Variants in CEP131 observed in about 807,000 individuals in gnomAD.
CEP131 encodes centrosomal protein 131.
Under a neutral mutation model 136.8 loss-of-function variants are expected in CEP131, and 99 were observed. That is an observed-to-expected ratio of 0.72 (90% confidence interval 0.62 to 0.86). The LOEUF (loss-of-function observed/expected upper bound fraction) is 0.86. CEP131 is among the 40% of genes least tolerant of loss of function. CEP131 has a pLI of 0.00. For missense variants in CEP131, 1,459 were observed against 1,463.0 expected (o/e 1.00, Z 0.04); for synonymous variants, 646 against 612.7 (o/e 1.05, Z -0.80).
chr17:81,215,960 C>A lies in CEP131; in HGVS notation c.177+3920G>T, dbSNP rs1406708287. On this transcript the variant is annotated intron_variant, in intron 2 of 25. Coordinates refer to ENST00000450824, the MANE Select transcript of CEP131 (RefSeq NM_014984.4). The surrounding 1 kb of genome is among the most constrained non-coding windows in gnomAD (Gnocchi z 4.1). Reference sequence around the variant, plus strand: ...CGGGAGCAGGGTCAGGTGCAGCGGCCCACACCCGTAATCCCAGCACTTTGG... The same window carrying A: ...CGGGAGCAGGGTCAGGTGCAGCGGCACACACCCGTAATCCCAGCACTTTGG... Among the ~76,000 whole-genome samples the A allele has an allele frequency of 6.6e-6, 1 of 152,052 alleles. No homozygotes were observed. The highest frequency in any genetic ancestry group is 2.4e-5 in the African/African-American group (1 of 41,396).
chr17:81,192,127 C>T (rs562383381), intron 21 of CEP131, among the ~76,000 whole-genome samples, 191 bp downstream of exon 21: 1 of 152,206 alleles, frequency 6.6e-6, no homozygotes, highest in African/African-American at 2.4e-5. Flanking sequence ...CCAGAGCCCA[C>T]GCAAAAGATG....
Position 81,209,339 on chromosome 17 carries a change from G to A in CEP131, c.178-317C>T, listed in dbSNP as rs143061761. 8.8e-4 allele frequency among the ~76,000 whole-genome samples: 134 copies of A among 152,378 alleles called. 2 individuals are homozygous for A. The highest frequency in any genetic ancestry group is 3.7e-3 in the South Asian group (18 of 4,832). ...ACCCACCAGCTCCCAGGAACCGCGA[G>A]CTCCCACCTTCAGTGGATGAGAACC... is the stretch of plus-strand genomic sequence containing the variant. On this transcript the variant is annotated intron_variant, in intron 2 of 25. Coordinates refer to ENST00000450824, the MANE Select transcript of CEP131 (RefSeq NM_014984.4).
chr17:81,207,331 G>C (rs2062030100), intron 3 of CEP131, 92 bp from the exon 4 acceptor site: 1 of 1,069,444 alleles, frequency 9.4e-7, no homozygotes, highest in Admixed American at 2.2e-5. Context: ...CGCGAGGACA[G>C]AGGGGCTGAG....
chr17:81,191,337 T>C lies in CEP131; in HGVS notation c.2623-2A>G. The C allele has an allele frequency of 6.2e-7, 1 of 1,612,434 alleles. No homozygotes were observed. Among genetic ancestry groups the C allele is most frequent in the Non-Finnish European group, 8.5e-7 (1 of 1,179,598 alleles). The stretch of plus-strand genomic sequence containing the variant: ...TTCCCGGTTCAGCAGCCACGCCTCC[T>C]GGGGGGACATGCGCTGCCTGGGGGT... On this transcript the variant is annotated splice_acceptor_variant, in intron 21 of 25. Transcript: ENST00000450824. LOFTEE classifies it high-confidence loss of function.
At chr17:81,193,412 C>T (rs2061685927) in intron 18 of CEP131, among the ~76,000 whole-genome samples, 1 of 152,210 alleles carries the variant, frequency 6.6e-6, no homozygotes, top group Admixed American at 6.5e-5. Context: ...GTGGCGCAGA[C>T]AGTGCAGGAG....
At chr17:81,190,019 T>C (rs751295069) in intron 24 of CEP131, 44 bp from the exon 25 acceptor site, 10 of 1,554,168 alleles carry the variant, frequency 6.4e-6, no homozygotes, top group Non-Finnish European at 7.9e-6. Context: ...CCCCGCCCCA[T>C]GTCCCCAGAG....
rs2061721065 is a variant in CEP131 at position 81,194,909 on chromosome 17, T to C, written c.2080A>G (p.Ser694Gly). ...TEKARREKWISEKTKKIKEVT... is the reference protein window; with the variant it reads ...TEKARREKWIGEKTKKIKEVT... ...TCCTTGATCTTCTTGGTTTTCTCAC[T>C]GATCCACTTCTCCCGGCGGGCTTTC... The change falls in exon 17 of 26, where the codon AGT becomes GGT. Residue 694 changes from serine to glycine, a missense_variant. Physicochemically the swap from Ser to Gly is moderately conservative, Grantham distance 56 (BLOSUM62 0). Coordinates refer to ENST00000450824, the MANE Select transcript of CEP131 (RefSeq NM_014984.4). 3.7e-6 allele frequency: 6 copies of C among 1,613,370 alleles called. No homozygotes were observed. Among genetic ancestry groups the C allele is most frequent in the Non-Finnish European group, 5.1e-6 (6 of 1,179,970 alleles).
chr17:81,205,976 C>T (rs76907692), intron 5 of CEP131, among the ~76,000 whole-genome samples: 85 of 152,194 alleles, frequency 5.6e-4, no homozygotes, highest in Middle Eastern at 3.4e-3. Flanking sequence ...GAGGCCAAGG[C>T]GGGTGGATCA....
intron 16 of CEP131, among the ~76,000 whole-genome samples, chr17:81,195,447 C>T (rs981629055): frequency 6.6e-6 from 1 of 152,230 alleles, no homozygotes; most frequent in African/African-American, 2.4e-5. Flanking sequence ...GGAGCTCACA[C>T]AGCGGGAAGG....
chr17:81,200,701 G>C (rs569224186), intron 7 of CEP131, among the ~76,000 whole-genome samples: 6 of 152,310 alleles, frequency 3.9e-5, no homozygotes, highest in African/African-American at 9.6e-5. Flanking sequence ...ACCCACGCAG[G>C]CCTGTGTGGC....
rs115858117 is a variant in CEP131 at position 81,213,202 on chromosome 17, T to C, written c.178-4180A>G. Among the ~76,000 whole-genome samples the C allele has an allele frequency of 1.6e-3, 249 of 152,320 alleles. 1 individual carries two copies. The highest frequency in any genetic ancestry group is 5.7e-3 in the African/African-American group (238 of 41,566). The stretch of plus-strand genomic sequence containing the variant: ...GAGCAACAAAATAAGCAAACTAGCA[T>C]TGAATTATAACTTGAAGTGTAAAAT... On this transcript the variant is annotated intron_variant, in intron 2 of 25. Transcript: ENST00000450824.
intron 2 of CEP131, among the ~76,000 whole-genome samples, chr17:81,213,046 T>C (rs748173801): frequency 2.0e-5 from 3 of 151,626 alleles, no homozygotes; most frequent in Non-Finnish European, 2.9e-5. Flanking sequence ...GAGGAGGAAA[T>C]AGACAAGATG....
intron 12 of CEP131, 65 bp downstream of exon 12, chr17:81,198,050 C>A (rs933167415): frequency 3.3e-6 from 5 of 1,494,528 alleles, no homozygotes; most frequent in South Asian, 1.3e-5. Context: ...CCCACAGCCA[C>A]CGCATGCTCT....
Position 81,203,968 on chromosome 17 carries a change from T to C in CEP131, c.516-361A>G, listed in dbSNP as rs1046471834. 4.5e-6 allele frequency: 1 copy of C among 221,680 alleles called. No homozygotes were observed. The highest frequency in any genetic ancestry group is 5.5e-5 in the Admixed American group (1 of 18,070). 13.7% of individuals were successfully genotyped at this position (221,680 alleles called of 1,614,324 possible). ...TCCCACACGACGGATGGAAGCCACA[T>C]TCTCTGCCTCTGCCCCTCCGCAGAC... On this transcript the variant is annotated intron_variant, in intron 5 of 25. Coordinates refer to ENST00000450824, the MANE Select transcript of CEP131 (RefSeq NM_014984.4). The surrounding 1 kb of genome is among the most constrained non-coding windows in gnomAD (Gnocchi z 4.6).
chr17:81,202,913 G>A (rs867934611), intron 6 of CEP131, among the ~76,000 whole-genome samples: 1 of 151,692 alleles, frequency 6.6e-6, no homozygotes, highest in Non-Finnish European at 1.5e-5. Context: ...GCAGTAAGCC[G>A]AGATCATGCC....
chr17:81,194,821 C>G lies in CEP131; in HGVS notation c.2119+49G>C, dbSNP rs765095621. ...TGGCTCTCTCAAAAGAAGCCCTGGC[C>G]GCAGCACCCACCCCACACCTGGCCG... On this transcript the variant is annotated intron_variant, in intron 17 of 25. Transcript: ENST00000450824. 17 of 1,482,286 alleles carry G rather than the reference C, an allele frequency of 1.1e-5. No homozygotes were observed. In the Middle Eastern group the frequency reaches 6.0e-4, roughly 53 times the overall value. The allele number at this position is 1,482,286 out of a possible 1,614,324, so 91.8% of individuals were successfully genotyped here.
rs1374320284 is a variant in CEP131 at position 81,189,819 on chromosome 17, G to A, written c.3193C>T (p.Leu1065=). 1 of 1,611,698 alleles carries A rather than the reference G, an allele frequency of 6.2e-7. No individual in the cohort carries two copies. Among genetic ancestry groups the A allele is most frequent in the Non-Finnish European group, 8.5e-7 (1 of 1,179,406 alleles). The change falls in exon 26 of 26, where the codon CTG becomes TTG. Residue 1065 remains leucine, a synonymous_variant. Coordinates refer to ENST00000450824, the MANE Select transcript of CEP131 (RefSeq NM_014984.4). ...CTGTGCTGCTCCAGCAGCTCCTCCA[G>A]GTGGTCGGCCCGCTTCACCGCAGCC... ...HEAAVKRADH[L]EELLEQHRRP...
intron 19 of CEP131, 51 bp downstream of exon 19, chr17:81,192,685 G>GCGCC: frequency 2.1e-6 from 1 of 478,438 alleles, no homozygotes; most frequent in Non-Finnish European, 4.1e-6. Flanking sequence ...GGGGGGAGGG[G>GCGCC]TCAGCCAGCG....
At chr17:81,207,042 G>A in intron 4 of CEP131, 83 bp downstream of exon 4, 1 of 1,536,830 alleles carries the variant, frequency 6.5e-7, no homozygotes. Context: ...GTGCCCTTTT[G>A]CAAAGGCAGT....
Sources: gnomAD v4.1 joint callset for allele counts (sites outside exome capture counted in the v4.1 genomes callset) on GRCh38, gnomAD v4.1.1 for gene constraint, Gnocchi (gnomAD v3.1) non-coding constraint, MANE v1.5 for transcripts, NCBI Gene and HGNC (gene_info 2026-07-23, HGNC 2026-07-21) for gene names.